The following TDRD6 variants were observed in gnomAD, a reference collection of about 807,000 sequenced individuals.
TDRD6 encodes the protein tudor domain containing 6, also known as tudor domain-containing protein 6.
A neutral mutation model predicts 157.5 loss-of-function variants in TDRD6; 186 were observed. The observed-to-expected ratio is 1.18, with a 90% CI of 1.05 to 1.33. The LOEUF (loss-of-function observed/expected upper bound fraction) is 1.33, where lower values mean the gene tolerates loss of function less well. TDRD6 is among the 40% of genes most tolerant of loss of function. The pLI, the probability that TDRD6 is intolerant of heterozygous loss-of-function variation, is 0.00. For synonymous variants in TDRD6, 1,075 were observed against 945.2 expected, an observed-to-expected ratio of 1.14 and a Z score of -2.52; for missense variants, 3,066 against 2,508.0, an observed-to-expected ratio of 1.22 and a Z score of -4.75.
In TDRD6 at chr6:46,690,928, C is replaced by T. The variant is rs1386205177; in HGVS notation, c.2800C>T (p.Leu934=). The T allele has an allele frequency of 1.2e-6, 2 of 1,614,094 alleles. No homozygotes were observed. The highest frequency in any genetic ancestry group is 2.2e-5 in the East Asian group (1 of 44,872). Residue 934 remains leucine (L), a synonymous_variant, in exon 1 of 4, where the codon CTG becomes TTG. Transcript: ENST00000316081. ...TGCTCTGGCTTCAATTAATGAAGAA[C>T]TGTTTAACATTGTGGATTTGCTAAC... The part of the protein sequence containing the change: ...IFALASINEE[L]FNIVDLLTPF...
Position 46,689,357 on chromosome 6 carries a change from A to C in TDRD6, c.1229A>C (p.Glu410Ala). The C allele has an allele frequency of 6.2e-7, 1 of 1,614,062 alleles. No homozygotes were observed. Among genetic ancestry groups the C allele is most frequent in the Non-Finnish European group, 8.5e-7 (1 of 1,180,028 alleles). Residue 410 changes from glutamate to alanine, a missense_variant, in exon 1 of 4, where the codon GAA becomes GCA. By Grantham distance (107) the Glu-to-Ala change is moderately radical. Transcript: ENST00000316081. ...GGCAAGGCAGTGAATGCAAAGATTG[A>C]ATTTTATTGCTCCTTTGAGCATGTG... The part of the protein sequence containing the change: ...ILGKAVNAKI[E>A]FYCSFEHVYY...
rs780111413 is a variant in TDRD6 at position 46,690,227 on chromosome 6, T to C, written c.2099T>C (p.Phe700Ser). 4 of 1,613,666 alleles carry C rather than the reference T, an allele frequency of 2.5e-6. No homozygotes were observed. The highest frequency in any genetic ancestry group is 2.5e-6 in the Non-Finnish European group (3 of 1,179,976). Residue 700 changes from phenylalanine to serine, a missense_variant, in exon 1 of 4, where the codon TTT (phenylalanine) becomes TCT (serine). Physicochemically the swap from Phe to Ser is radical, Grantham distance 155. Transcript: ENST00000316081. The stretch of plus-strand genomic sequence containing the variant: ...ACTACGGAGAGTAACAAAATACCTT[T>C]TGCCAAGACTGGAGAAGGAGAGCAG... ...HFTTESNKIP[F>S]AKTGEGEQKA...
Position 46,691,997 on chromosome 6 carries a change from C to T in TDRD6, c.3869C>T (p.Pro1290Leu). 2 of 1,613,900 alleles carry T rather than the reference C, an allele frequency of 1.2e-6. No individual in the cohort carries two copies. Among genetic ancestry groups the T allele is most frequent in the Admixed American group, 1.7e-5 (1 of 59,992 alleles). The change falls in exon 1 of 4, where the codon CCT (proline) becomes CTT (leucine). Residue 1290 changes from proline (P) to leucine (L), a missense_variant. Pro to Leu is a moderately conservative substitution (Grantham distance 98). Transcript: ENST00000316081. ...KIGDSCDKDL[P>L]LKFCEFPQKT... ...GGAGATTCATGTGACAAAGATTTGCCTCTGAAATTTTGTGAGTTCCCACAG... is the reference window on the plus strand; with the variant it reads ...GGAGATTCATGTGACAAAGATTTGCTTCTGAAATTTTGTGAGTTCCCACAG...
In TDRD6 at chr6:46,693,160, C is replaced by T. The variant is rs758966227; in HGVS notation, c.5032C>T (p.Pro1678Ser). 8 of 1,609,120 alleles carry T rather than the reference C, an allele frequency of 5.0e-6. No homozygotes were observed. In the South Asian group the frequency reaches 5.5e-5, roughly 11 times the overall value. The change falls in exon 1 of 4, where the codon CCT (proline) becomes TCT (serine). Residue 1678 changes from proline (P) to serine (S), a missense_variant. Pro to Ser is a moderately conservative substitution (Grantham distance 74). Transcript: ENST00000316081. The part of the protein sequence containing the change: ...LEIRRDVCDI[P>S]LAIVDLKSKG... ...AATCAGAAGGGATGTTTGTGATATC[C>T]CTTTAGCAATTGTTGACTTGAAAAG...
upstream of TDRD6, among the ~76,000 whole-genome samples, chr6:46,684,618 A>T (rs781426509): frequency 6.6e-6 from 1 of 151,986 alleles, no homozygotes; most frequent in Non-Finnish European, 1.5e-5. Flanking sequence ...GTAACCTTTT[A>T]CTATTTTTTT....
chr6:46,684,147 A>G (rs912719065), upstream of TDRD6, among the ~76,000 whole-genome samples: 2 of 152,144 alleles, frequency 1.3e-5, no homozygotes, highest in African/African-American at 4.8e-5. Context: ...CTGGTCTTGA[A>G]TTGTCTGTGT....
Position 46,690,779 on chromosome 6 carries a change from T to C in TDRD6, c.2651T>C (p.Leu884Pro), listed in dbSNP as rs778515332. ...AAGGCACAGGCTTTTAGGTGCAGTC[T>C]TTATAATTTAATTCAACCAGTTGGC... is the stretch of plus-strand genomic sequence containing the variant. Reference protein sequence around the residue: ...KVKAQAFRCSLYNLIQPVGQN... With the variant: ...KVKAQAFRCSPYNLIQPVGQN... Residue 884 changes from leucine to proline, a missense_variant, in exon 1 of 4, where the codon CTT becomes CCT. Physicochemically the swap from Leu to Pro is moderately conservative, Grantham distance 98. Transcript: ENST00000316081. 3.7e-6 allele frequency: 6 copies of C among 1,614,042 alleles called. No individual in the cohort carries two copies. Among genetic ancestry groups the C allele is most frequent in the African/African-American group, 1.3e-5 (1 of 74,944 alleles).
intron 3 of TDRD6, among the ~76,000 whole-genome samples, chr6:46,700,488 C>T (rs1276776184): frequency 6.6e-6 from 1 of 151,832 alleles, no homozygotes; most frequent in Non-Finnish European, 1.5e-5. Flanking sequence ...AATCTAATTA[C>T]TTTTTTTAAA....
At chr6:46,684,365 T>TTGTGTG (rs56327636), upstream of TDRD6, among the ~76,000 whole-genome samples, 11,025 of 146,992 alleles carry the variant, frequency 0.075, 591 homozygotes, top group African/African-American at 0.16. Context: ...AAGCACACAT[T>TTGTGTG]TGTGTGTGTG....
At chr6:46,684,059 G>C (rs1764027569), upstream of TDRD6, among the ~76,000 whole-genome samples, 1 of 152,030 alleles carries the variant, frequency 6.6e-6, no homozygotes, top group African/African-American at 2.4e-5. Flanking sequence ...GGGTCACATG[G>C]CTCTTACAAA....
In TDRD6 at chr6:46,689,273, G is replaced by A; in HGVS notation, c.1145G>A (p.Trp382Ter). 6.2e-7 allele frequency: 1 copy of A among 1,614,168 alleles called. No homozygotes were observed. The highest frequency in any genetic ancestry group is 8.5e-7 in the Non-Finnish European group (1 of 1,180,030). Residue 382 changes from tryptophan to a stop codon, truncating the protein, a stop_gained, in exon 1 of 4, where the codon TGG becomes TAG. Coordinates refer to ENST00000316081, the MANE Select transcript of TDRD6 (RefSeq NM_001010870.3). LOFTEE classifies it high-confidence loss of function. ...TACCCTTGTGCTTTGTATGGACTCT[G>A]GGACGGTGGGAGAGGCTGGTCTCGG... Reference protein sequence around the residue: ...VTYPCALYGLWDGGRGWSRSQ... With the variant: ...VTYPCALYGL
rs1562056045 is a variant in TDRD6, at chr6:46,691,731, C to T, written c.3603C>T (p.Tyr1201=). The T allele has an allele frequency of 1.3e-6, 2 of 1,594,784 alleles. No homozygotes were observed. Among genetic ancestry groups the T allele is most frequent in the East Asian group, 4.5e-5 (2 of 44,744 alleles). The change falls in exon 1 of 4, where the codon TAC becomes TAT. Residue 1201 remains tyrosine (Y), a synonymous_variant. Coordinates refer to ENST00000316081, the MANE Select transcript of TDRD6 (RefSeq NM_001010870.3). ...CTEYLSKSVG[Y]KLPNKEILEE... ...AGTATTTAAGTAAATCAGTAGGGTA[C>T]AAGTTACCTAATAAAGAAATTTTGG...
rs755613783 is a variant in TDRD6, at chr6:46,690,184, C to A, written c.2056C>A (p.His686Asn). 4 of 1,613,790 alleles carry A rather than the reference C, an allele frequency of 2.5e-6. No homozygotes were observed. In the Admixed American group the frequency reaches 5.0e-5, roughly 20 times the overall value. Residue 686 changes from histidine (H) to asparagine (N), a missense_variant, in exon 1 of 4, where the codon CAT (histidine) becomes AAT (asparagine). Coordinates refer to ENST00000316081, the MANE Select transcript of TDRD6 (RefSeq NM_001010870.3). ...CCTGGTAAATGCCCACTCCCCAGGG[C>A]ATGTTTCAAACCACTTTACTACGGA... is the stretch of plus-strand genomic sequence containing the variant. ...NILVNAHSPG[H>N]VSNHFTTESN...
Position 46,688,430 on chromosome 6 carries a change from AG to A in TDRD6, c.305del (p.Gly102AlafsTer30). The A allele has an allele frequency of 6.5e-7, 1 of 1,541,626 alleles. No homozygotes were observed. On this transcript the variant is annotated frameshift_variant, in exon 1 of 4. Transcript: ENST00000316081. LOFTEE classifies it high-confidence loss of function. ...GAGAGCCGTGTCTTCCTGCTGGACGAGGGCCGCACCATCACGGCCGGAGCAG... is the reference window on the plus strand; with the variant it reads ...GAGAGCCGTGTCTTCCTGCTGGACGAGGCCGCACCATCACGGCCGGAGCAG... ...AQESRVFLLDEGRTITAGAGS... is the reference protein window; with the variant it reads ...AQESRVFLLDXGRTITAGAGS...
Position 46,692,979 on chromosome 6 carries a change from C to T in TDRD6, c.4851C>T (p.Leu1617=). The change falls in exon 1 of 4, where the codon CTC becomes CTT. Residue 1617 remains leucine (L), a synonymous_variant. Coordinates refer to ENST00000316081, the MANE Select transcript of TDRD6 (RefSeq NM_001010870.3). ...AAGACTGTGTGGACCCAAAAGCACTCTGGGCCATTCCTTCTGAACTTCTGT... is the reference window on the plus strand; with the variant it reads ...AAGACTGTGTGGACCCAAAAGCACTTTGGGCCATTCCTTCTGAACTTCTGT... ...NIEDCVDPKA[L]WAIPSELLSV... The T allele has an allele frequency of 6.2e-7, 1 of 1,612,508 alleles. No homozygotes were observed. Among genetic ancestry groups the T allele is most frequent in the Non-Finnish European group, 8.5e-7 (1 of 1,179,056 alleles).
At chr6:46,682,520 A>C in the TDRD6 span, among the ~76,000 whole-genome samples, 1 of 151,946 alleles carries the variant, frequency 6.6e-6, no homozygotes, top group Non-Finnish European at 1.5e-5. Flanking sequence ...AAAGGCACAT[A>C]TATTAGAAAA....
chr6:46,688,474 C>A lies in TDRD6; in HGVS notation c.346C>A (p.Arg116Ser). 3.2e-6 allele frequency: 5 copies of A among 1,547,214 alleles called. No homozygotes were observed. Among genetic ancestry groups the A allele is most frequent in the Non-Finnish European group, 4.4e-6 (5 of 1,148,812 alleles). The change falls in exon 1 of 4, where the codon CGC (arginine) becomes AGC (serine). Residue 116 changes from arginine (R) to serine (S), a missense_variant. Coordinates refer to ENST00000316081, the MANE Select transcript of TDRD6 (RefSeq NM_001010870.3). The part of the protein sequence containing the change: ...TAGAGSLAPG[R>S]REFFNLPSEV... ...CGGAGCAGGCTCGCTGGCGCCTGGG[C>A]GCAGAGAGTTCTTCAATTTGCCCTC... is the stretch of plus-strand genomic sequence containing the variant.
chr6:46,681,423 T>C, the TDRD6 span: 4 of 405,500 alleles, frequency 9.9e-6, no homozygotes, highest in South Asian at 1.8e-5. Flanking sequence ...TTGGCCTTCA[T>C]TGATGCCATA....
At chr6:46,684,791 T>TATTAGGAATATAGTTG (rs1390182440), upstream of TDRD6, among the ~76,000 whole-genome samples, 65 of 152,266 alleles carry the variant, frequency 4.3e-4, no homozygotes, top group South Asian at 2.5e-3. Context: ...AGTTTTGGGT[T>TATTAGGAATATAGTTG]CCAGGTTTTT....
Sources: allele counts gnomAD v4.1 joint callset (sites outside exome capture counted in the v4.1 genomes callset), GRCh38; gene constraint gnomAD v4.1.1; transcripts MANE v1.5; gene names NCBI Gene and HGNC (gene_info 2026-07-23, HGNC 2026-07-21).